Variants in ADCYAP1 observed in about 807,000 individuals in gnomAD.
The protein encoded by ADCYAP1 is adenylate cyclase activating polypeptide 1, also known as pituitary adenylate cyclase-activating polypeptide.
A neutral mutation model predicts 18.5 loss-of-function variants in ADCYAP1; 6 were observed. The observed-to-expected ratio is 0.32, with a 90% CI of 0.18 to 0.64. The LOEUF is 0.64. Among genes scored for constraint, ADCYAP1 ranks in the 30% least tolerant of loss-of-function variants. The pLI, the probability that ADCYAP1 is intolerant of heterozygous loss-of-function variation, is 0.77. For synonymous variants in ADCYAP1, 136 were observed against 113.9 expected (o/e 1.19, Z -1.24); for missense variants, 314 against 253.6 (o/e 1.24, Z -1.62).
chr18:904,534 T>C (rs948285268), upstream of ADCYAP1: 53 of 1,289,036 alleles, frequency 4.1e-5, no homozygotes, highest in African/African-American at 1.1e-4. Flanking sequence ...GTCACCTCTG[T>C]AACCAGCGGT....
upstream of ADCYAP1, chr18:904,596 G>C (rs1032774641): frequency 6.3e-6 from 8 of 1,267,056 alleles, no homozygotes; most frequent in Admixed American, 7.9e-5. Flanking sequence ...CCTCGGAGCA[G>C]AGAAGGCGCC....
At chr18:906,771 C>T (rs1019142363) in intron 2 of ADCYAP1, 7 of 152,236 alleles carry the variant, frequency 4.6e-5, no homozygotes, top group African/African-American at 1.7e-4. Context: ...TTGTTTTAAC[C>T]CATCTCTACC....
chr18:905,664 C>G, intron 2 of ADCYAP1, 168 bp downstream of exon 2: 1 of 825,942 alleles, frequency 1.2e-6, no homozygotes, highest in Non-Finnish European at 1.8e-6. Context: ...CCATTCTAGC[C>G]GAGGGTCTGG....
rs1167847416 is a variant in ADCYAP1, at chr18:904,902, GCTC to G, written c.-154_-152del. 2.3e-6 allele frequency: 3 copies of G among 1,289,292 alleles called. No homozygotes were observed. The highest frequency in any genetic ancestry group is 3.0e-6 in the Non-Finnish European group (3 of 988,838). The allele number at this position is 1,289,292 out of a possible 1,614,324, so 79.9% of individuals were successfully genotyped here. ...CGAGCCTCGGCAAACGAGTCCCGCAGCTCCTCCTGCTGCTCCCGCTGGTTCCTG... is the reference window on the plus strand; with the variant it reads ...CGAGCCTCGGCAAACGAGTCCCGCAGCTCCTGCTGCTCCCGCTGGTTCCTG... On this transcript the variant is annotated 5_prime_UTR_variant, in exon 1 of 5. Transcript: ENST00000450565.
chr18:911,983 T>A lies in ADCYAP1; in HGVS notation c.*2348T>A, dbSNP rs545505193. On this transcript the variant is annotated 3_prime_UTR_variant, in exon 5 of 5. Transcript: ENST00000450565. ...AGAAATGCCAAGAGCCTTACTAAACTGAAGCAGATTTATGATATAGTGATA... is the reference window on the plus strand; with the variant it reads ...AGAAATGCCAAGAGCCTTACTAAACAGAAGCAGATTTATGATATAGTGATA... The A allele has an allele frequency of 6.6e-6, 1 of 152,348 alleles. No homozygotes were observed. Among genetic ancestry groups the A allele is most frequent in the African/African-American group, 2.4e-5 (1 of 41,586 alleles). The allele number at this position is 152,348 out of a possible 1,614,324, so 9.4% of individuals were successfully genotyped here. A position where few individuals can be genotyped will look rare whatever the true frequency, so the allele number is the denominator to read the frequency against.
At chr18:905,125 T>A in intron 1 of ADCYAP1, 65 bp downstream of exon 1, 1 of 1,368,602 alleles carries the variant, frequency 7.3e-7, no homozygotes, top group Non-Finnish European at 9.5e-7. Flanking sequence ...TCGCTTGGCA[T>A]CGCGTCAGGG....
chr18:911,892 G>T lies in ADCYAP1; in HGVS notation c.*2257G>T, dbSNP rs758432097. ...CCTTTTATTTATGAAGTCTAATTTA[G>T]TGTTCCCGTGGCTAGTTGCAAGCAT... On this transcript the variant is annotated 3_prime_UTR_variant, in exon 5 of 5. Transcript: ENST00000450565. The T allele has an allele frequency of 5.9e-5, 9 of 152,154 alleles. No homozygotes were observed. The highest frequency in any genetic ancestry group is 1.2e-4 in the Non-Finnish European group (8 of 68,032). 9.4% of individuals were successfully genotyped at this position (152,154 alleles called of 1,614,324 possible).
Sources: gnomAD v4.1 joint callset for allele counts on GRCh38, gnomAD v4.1.1 for gene constraint, MANE v1.5 for transcripts, NCBI Gene and HGNC (gene_info 2026-07-23, HGNC 2026-07-21) for gene names.